NME7: variants seen among roughly 807,000 people sequenced by gnomAD.
NME7 encodes nucleoside diphosphate kinase 7.
A neutral mutation model predicts 49.1 loss-of-function variants in NME7; 41 were observed. The ratio of observed to expected loss-of-function variants is 0.83; its 90% CI spans 0.65 to 1.08. The LOEUF is 1.08. NME7 is among the 50% of genes least tolerant of loss of function. NME7 has a pLI of 0.00. For missense variants in NME7, 423 were observed against 463.4 expected (o/e 0.91, Z 0.80); for synonymous variants, 139 against 150.6 (o/e 0.92, Z 0.56).
intron 11 of NME7, 55 bp downstream of exon 11, chr1:169,169,392 T>C: frequency 6.8e-7 from 1 of 1,474,386 alleles, no homozygotes. Context: ...TCAGAACTCC[T>C]GAGATAATTT....
In NME7 at chr1:169,205,214, A is replaced by G. The variant is rs148668109; in HGVS notation, c.990+25504T>C. Reference sequence around the variant, plus strand: ...CATTTACTAATTCACTACTTTCTATAATCAGAGTCAGTGTCAATTGTTTTC... The same window carrying G: ...CATTTACTAATTCACTACTTTCTATGATCAGAGTCAGTGTCAATTGTTTTC... On this transcript the variant is annotated intron_variant, in intron 10 of 11. Coordinates refer to ENST00000367811, the MANE Select transcript of NME7 (RefSeq NM_013330.5). Among the ~76,000 whole-genome samples, 713 of 152,270 alleles carry G rather than the reference A, an allele frequency of 4.7e-3. 2 individuals carry two copies. Among genetic ancestry groups the G allele is most frequent in the Middle Eastern group, 0.014 (4 of 294 alleles).
intron 7 of NME7, chr1:169,287,023 G>T (rs997995923): frequency 1.0e-5 from 3 of 297,834 alleles, no homozygotes; most frequent in Non-Finnish European, 1.2e-5. Flanking sequence ...AAAGAGAGAA[G>T]GCAGACTAAA....
chr1:169,288,842 T>C (rs1650381615), intron 6 of NME7, among the ~76,000 whole-genome samples: 4 of 152,126 alleles, frequency 2.6e-5, no homozygotes, highest in Non-Finnish European at 2.9e-5. Context: ...AGAACCTTTA[T>C]GGTACAGATG....
intron 10 of NME7, among the ~76,000 whole-genome samples, chr1:169,181,372 C>T: frequency 6.6e-6 from 1 of 150,484 alleles, no homozygotes; most frequent in African/African-American, 2.5e-5. Flanking sequence ...CCTACACACA[C>T]ACACACACAC....
chr1:169,254,991 G>A (rs61808880), intron 7 of NME7, among the ~76,000 whole-genome samples: 1 of 134,414 alleles, frequency 7.4e-6, no homozygotes, highest in Non-Finnish European at 1.7e-5. Context: ...CAACTATGCG[G>A]TCAATTTTGG....
At chr1:169,250,592 T>G (rs188380992) in intron 7 of NME7, among the ~76,000 whole-genome samples, 2 of 152,234 alleles carry the variant, frequency 1.3e-5, no homozygotes, top group Non-Finnish European at 2.9e-5. Flanking sequence ...CTTTCAGATT[T>G]TTTAATGTAG....
At chr1:169,184,769 C>T (rs1245722682) in intron 10 of NME7, among the ~76,000 whole-genome samples, 1 of 152,048 alleles carries the variant, frequency 6.6e-6, no homozygotes, top group East Asian at 1.9e-4. Context: ...AGAAGTCAGA[C>T]ATGTTAATAA....
intron 11 of NME7, among the ~76,000 whole-genome samples, chr1:169,137,582 G>C (rs1209076049): frequency 6.6e-6 from 1 of 152,160 alleles, no homozygotes; most frequent in East Asian, 1.9e-4. Context: ...GAGGAGGGGA[G>C]GGCTTATGCT....
intron 10 of NME7, among the ~76,000 whole-genome samples, chr1:169,205,182 GT>G (rs1660640244): frequency 6.6e-6 from 1 of 152,028 alleles, no homozygotes; most frequent in Non-Finnish European, 1.5e-5. Flanking sequence ...CACACTTTTA[GT>G]TTTTTCATTT....
chr1:169,228,317 T>A (rs1008543182), intron 10 of NME7, among the ~76,000 whole-genome samples: 1 of 152,070 alleles, frequency 6.6e-6, no homozygotes, highest in African/African-American at 2.4e-5. Flanking sequence ...TTTGTTTTAG[T>A]TTTTATCTCT....
chr1:169,219,424 T>C (rs4284298), intron 10 of NME7, among the ~76,000 whole-genome samples: 10,656 of 152,238 alleles, frequency 0.07, 1,482 homozygotes, highest in East Asian at 0.66. Flanking sequence ...ACGCAAATAC[T>C]ATACCATTTT....
intron 1 of NME7, among the ~76,000 whole-genome samples, chr1:169,358,442 C>A (rs897345178): frequency 6.6e-6 from 1 of 152,024 alleles, no homozygotes; most frequent in Non-Finnish European, 1.5e-5. Flanking sequence ...TCTAGCTCTA[C>A]ATCAGTTTGT....
chr1:169,148,458 G>C (rs942517910), intron 11 of NME7, among the ~76,000 whole-genome samples: 1 of 149,240 alleles, frequency 6.7e-6, no homozygotes, highest in Admixed American at 6.7e-5. Context: ...ACAGTAGTAG[G>C]TTTAACAATT....
intron 10 of NME7, among the ~76,000 whole-genome samples, chr1:169,201,970 T>C (rs981995871): frequency 3.3e-5 from 5 of 152,088 alleles, no homozygotes; most frequent in Non-Finnish European, 7.4e-5. Flanking sequence ...GGAAATGGTG[T>C]TTGCAAAAGA....
At chr1:169,236,546 A>G (rs956244803) in intron 8 of NME7, among the ~76,000 whole-genome samples, 7 of 152,132 alleles carry the variant, frequency 4.6e-5, no homozygotes, top group Non-Finnish European at 1.0e-4. Context: ...TAACATTTCT[A>G]TATTTTTTTA....
intron 7 of NME7, among the ~76,000 whole-genome samples, chr1:169,256,503 G>A (rs1648942288): frequency 7.5e-6 from 1 of 132,762 alleles, no homozygotes; most frequent in Admixed American, 7.4e-5. Context: ...TTTGCCTTTG[G>A]TTTGAATGCC....
intron 11 of NME7, among the ~76,000 whole-genome samples, chr1:169,164,654 AG>A (rs1659354405): frequency 6.6e-6 from 1 of 152,168 alleles, no homozygotes; most frequent in Non-Finnish European, 1.5e-5. Flanking sequence ...GTGCCATGGA[AG>A]GTTTCTTAGA....
chr1:169,293,681 G>A (rs779532322), intron 6 of NME7, among the ~76,000 whole-genome samples: 2 of 151,848 alleles, frequency 1.3e-5, no homozygotes, highest in African/African-American at 2.4e-5. Flanking sequence ...AACTGTTTTG[G>A]ACCCTTGGCT....
chr1:169,189,561 A>T (rs1005220427), intron 10 of NME7, among the ~76,000 whole-genome samples: 1 of 152,166 alleles, frequency 6.6e-6, no homozygotes. Context: ...TTAGCATACT[A>T]TCAAGATTTG....
Sources: allele counts gnomAD v4.1 joint callset (sites outside exome capture counted in the v4.1 genomes callset), GRCh38; gene constraint gnomAD v4.1.1; transcripts MANE v1.5; gene names NCBI Gene and HGNC (gene_info 2026-07-23, HGNC 2026-07-21).